TMEM74: variants seen among roughly 807,000 people sequenced by gnomAD.
The protein encoded by TMEM74 is transmembrane protein 74.
In TMEM74, 13 loss-of-function variants were observed where a neutral mutation model predicts 18.1. That is an observed-to-expected ratio of 0.72 (90% CI 0.47 to 1.14). The LOEUF (loss-of-function observed/expected upper bound fraction) is 1.14. TMEM74 is among the 50% of genes most tolerant of loss of function. TMEM74 has a pLI of 0.00. For synonymous variants in TMEM74, 159 were observed against 146.6 expected, an observed-to-expected ratio of 1.08 and a Z score of -0.61; for missense variants, 372 against 375.9, an observed-to-expected ratio of 0.99 and a Z score of 0.09.
intron 2 of TMEM74, among the ~76,000 whole-genome samples, chr8:108,638,779 G>A (rs1198036837): frequency 1.3e-5 from 2 of 152,088 alleles, no homozygotes; most frequent in Non-Finnish European, 2.9e-5. Context: ...TTTCACACAG[G>A]TCTGTGATGC....
At chr8:108,621,443 G>A (rs757577975) in intron 2 of TMEM74, among the ~76,000 whole-genome samples, 5 of 152,110 alleles carry the variant, frequency 3.3e-5, no homozygotes, top group Non-Finnish European at 7.4e-5. Context: ...CCCTGAAAAC[G>A]CCCTCGGGCA....
At chr8:108,637,943 G>A (rs1812623581) in intron 2 of TMEM74, among the ~76,000 whole-genome samples, 1 of 152,152 alleles carries the variant, frequency 6.6e-6, no homozygotes, top group Non-Finnish European at 1.5e-5. Flanking sequence ...TAATTGGTGG[G>A]AAGAAAATTT....
At chr8:108,735,806 A>C (rs916705431) in intron 1 of TMEM74, among the ~76,000 whole-genome samples, 2 of 152,102 alleles carry the variant, frequency 1.3e-5, no homozygotes, top group African/African-American at 4.8e-5. Context: ...CTCACTCTCC[A>C]GCCACACATC....
At chr8:108,703,929 C>T (rs750648792) in intron 1 of TMEM74, among the ~76,000 whole-genome samples, 1 of 152,200 alleles carries the variant, frequency 6.6e-6, no homozygotes, top group Non-Finnish European at 1.5e-5. Flanking sequence ...ATCTTCATTG[C>T]TTTGAAGGCT....
At chr8:108,644,771 T>C (rs1164314736) in intron 2 of TMEM74, among the ~76,000 whole-genome samples, 1 of 152,084 alleles carries the variant, frequency 6.6e-6, no homozygotes, top group Non-Finnish European at 1.5e-5. Flanking sequence ...CACTAATCAT[T>C]AGAGAAATGT....
At chr8:108,766,093 C>T (rs1253018339) in intron 1 of TMEM74, among the ~76,000 whole-genome samples, 1 of 152,048 alleles carries the variant, frequency 6.6e-6, no homozygotes, top group Non-Finnish European at 1.5e-5. Flanking sequence ...GGTTAAATGA[C>T]CTCATCCAGC....
chr8:108,772,124 A>G (rs994284717), intron 1 of TMEM74, among the ~76,000 whole-genome samples: 17 of 152,124 alleles, frequency 1.1e-4, no homozygotes, highest in Non-Finnish European at 2.5e-4. Context: ...GCTACTGTAA[A>G]CTAGTACATT....
chr8:108,630,406 A>G (rs1812539341), intron 2 of TMEM74, among the ~76,000 whole-genome samples: 1 of 152,098 alleles, frequency 6.6e-6, no homozygotes, highest in African/African-American at 2.4e-5. Flanking sequence ...CAATGTCAAT[A>G]TTAGACAGAT....
intron 1 of TMEM74, among the ~76,000 whole-genome samples, chr8:108,737,319 C>G (rs1297278156): frequency 6.6e-6 from 1 of 152,106 alleles, no homozygotes; most frequent in African/African-American, 2.4e-5. Flanking sequence ...TCCTTTATTT[C>G]CTTTGGGTCT....
chr8:108,690,720 G>A (rs941081993), intron 1 of TMEM74, among the ~76,000 whole-genome samples: 10 of 152,126 alleles, frequency 6.6e-5, no homozygotes, highest in African/African-American at 1.9e-4. Context: ...TACTCAGGAG[G>A]CTGAGGCAGG....
chr8:108,612,024 A>G (rs1812339225), intron 2 of TMEM74, among the ~76,000 whole-genome samples: 1 of 152,022 alleles, frequency 6.6e-6, no homozygotes, highest in Non-Finnish European at 1.5e-5. Flanking sequence ...CCCTTATAAA[A>G]CCATCAGATC....
chr8:108,698,072 G>A (rs1231935170), intron 1 of TMEM74, among the ~76,000 whole-genome samples: 1 of 152,002 alleles, frequency 6.6e-6, no homozygotes, highest in Non-Finnish European at 1.5e-5. Context: ...CTGTGCTGTG[G>A]CAATACTTTC....
chr8:108,644,229 G>T (rs1327072638), intron 2 of TMEM74, among the ~76,000 whole-genome samples: 2 of 152,070 alleles, frequency 1.3e-5, no homozygotes, highest in Non-Finnish European at 2.9e-5. Context: ...CCTTGACAAG[G>T]TCGACAAAAA....
chr8:108,660,325 G>T (rs891651168), intron 1 of TMEM74, among the ~76,000 whole-genome samples: 1 of 152,128 alleles, frequency 6.6e-6, no homozygotes, highest in African/African-American at 2.4e-5. Flanking sequence ...TCTTAAACTT[G>T]ATGGTTAAGA....
At chr8:108,659,807 C>G (rs1256352484) in intron 1 of TMEM74, among the ~76,000 whole-genome samples, 1 of 152,138 alleles carries the variant, frequency 6.6e-6, no homozygotes, top group African/African-American at 2.4e-5. Flanking sequence ...TTGTCAGCTC[C>G]CACAGGTTTC....
intron 1 of TMEM74, among the ~76,000 whole-genome samples, chr8:108,767,388 C>T (rs986883128): frequency 1.2e-4 from 18 of 152,202 alleles, no homozygotes; most frequent in Middle Eastern, 3.4e-3. Context: ...CTACTTGAGC[C>T]GTGGTATCTT....
chr8:108,731,569 G>A (rs1181220320), intron 1 of TMEM74, among the ~76,000 whole-genome samples: 1 of 152,140 alleles, frequency 6.6e-6, no homozygotes, highest in African/African-American at 2.4e-5. Flanking sequence ...TTAGGTGATA[G>A]AGAGCATGAA....
intron 2 of TMEM74, among the ~76,000 whole-genome samples, chr8:108,624,954 C>T (rs1031915033): frequency 2.0e-5 from 3 of 151,986 alleles, no homozygotes; most frequent in Non-Finnish European, 4.4e-5. Flanking sequence ...TGTAGGAAGA[C>T]AGAGAGAGAG....
intron 2 of TMEM74, among the ~76,000 whole-genome samples, chr8:108,623,717 T>C (rs1025938850): frequency 3.7e-4 from 56 of 152,092 alleles, no homozygotes; most frequent in African/African-American, 1.3e-3. Context: ...GTTAATTTAC[T>C]AGTTTTGATG....
Sources: allele counts gnomAD v4.1 joint callset (sites outside exome capture counted in the v4.1 genomes callset), GRCh38; gene constraint gnomAD v4.1.1; transcripts MANE v1.5; gene names NCBI Gene and HGNC (gene_info 2026-07-23, HGNC 2026-07-21).